The following CDKAL1 variants were observed in gnomAD, a reference collection of about 807,000 sequenced individuals.
CDKAL1 encodes CDKAL1 threonylcarbamoyladenosine tRNA methylthiotransferase.
Under a neutral mutation model 68.2 loss-of-function variants are expected in CDKAL1, and 32 were observed. The observed-to-expected ratio is 0.47, with a 90% CI of 0.35 to 0.63. The LOEUF (loss-of-function observed/expected upper bound fraction) is 0.63, where lower values mean the gene tolerates loss of function less well. Ranked by LOEUF, CDKAL1 falls within the 30% of genes least tolerant of loss-of-function variation. The pLI is 0.00. For missense variants in CDKAL1, 606 were observed against 696.7 expected (o/e 0.87, Z 1.47); for synonymous variants, 234 against 244.3 (o/e 0.96, Z 0.39).
At chr6:20,985,621 T>C (rs1766410630) in intron 10 of CDKAL1, among the ~76,000 whole-genome samples, 1 of 152,084 alleles carries the variant, frequency 6.6e-6, no homozygotes. Context: ...AGACCTAAAG[T>C]CTTAAAATAA....
intron 8 of CDKAL1, among the ~76,000 whole-genome samples, chr6:20,829,270 GCCACACTGTTTT>G (rs1454492537): frequency 6.6e-6 from 1 of 152,148 alleles, no homozygotes; most frequent in Non-Finnish European, 1.5e-5. Context: ...TTTAGTAGCT[GCCACACTGTTTT>G]CCTCAGCAGC....
At chr6:20,999,369 C>G (rs553260442) in intron 10 of CDKAL1, among the ~76,000 whole-genome samples, 2 of 152,096 alleles carry the variant, frequency 1.3e-5, no homozygotes, top group South Asian at 2.1e-4. Flanking sequence ...TTACCTAATG[C>G]TTACATGAAT....
intron 8 of CDKAL1, among the ~76,000 whole-genome samples, chr6:20,837,408 C>G (rs1316327079): frequency 2.6e-5 from 4 of 152,028 alleles, no homozygotes; most frequent in Non-Finnish European, 5.9e-5. Context: ...ACCACTGTTT[C>G]CTGTGAGATT....
intron 11 of CDKAL1, among the ~76,000 whole-genome samples, chr6:21,039,480 G>A (rs144101222): frequency 7.2e-5 from 11 of 152,220 alleles, no homozygotes; most frequent in Admixed American, 1.3e-4. Flanking sequence ...GAGAATGGGC[G>A]AGCCATCATT....
chr6:20,619,285 G>T (rs1275691180), intron 4 of CDKAL1, among the ~76,000 whole-genome samples: 1 of 152,156 alleles, frequency 6.6e-6, no homozygotes. Flanking sequence ...CTTTAGTTAG[G>T]AGTAAATTCA....
chr6:20,535,644 A>G (rs933658798), intron 2 of CDKAL1, among the ~76,000 whole-genome samples: 1 of 151,734 alleles, frequency 6.6e-6, no homozygotes, highest in African/African-American at 2.4e-5. Context: ...TGGCCCATGG[A>G]TTTTTTTCCT....
Position 21,132,874 on chromosome 6 carries a change from AT to A in CDKAL1, c.1299+24421del, listed in dbSNP as rs926156441. 1.5e-4 allele frequency among the ~76,000 whole-genome samples: 23 copies of A among 150,358 alleles called. No individual in the cohort carries two copies. The East Asian group carries it at 2.1e-3, about 14-fold the overall frequency. On this transcript the variant is annotated intron_variant, in intron 13 of 15. Coordinates refer to ENST00000274695, the MANE Select transcript of CDKAL1 (RefSeq NM_017774.3). The stretch of plus-strand genomic sequence containing the variant: ...AAGTCGAACCTATATATTTGTTTAA[AT>A]TTTTTTTTTCAGAGGTTCTACAGAG...
intron 5 of CDKAL1, among the ~76,000 whole-genome samples, chr6:20,690,238 A>G (rs1770810653): frequency 2.0e-5 from 3 of 152,224 alleles, no homozygotes; most frequent in East Asian, 1.9e-4. Context: ...TGGATATACT[A>G]TAAGTTGTAT....
intron 6 of CDKAL1, among the ~76,000 whole-genome samples, chr6:20,746,644 T>A (rs1051688889): frequency 4.6e-5 from 7 of 152,244 alleles, no homozygotes. Flanking sequence ...CAAACTTCGT[T>A]ATGGTAAAGG....
At chr6:21,001,370 A>T (rs527392018) in intron 11 of CDKAL1, among the ~76,000 whole-genome samples, 3 of 152,082 alleles carry the variant, frequency 2.0e-5, no homozygotes, top group Non-Finnish European at 2.9e-5. Flanking sequence ...ACTGCATATG[A>T]TCATTTTAAA....
intron 5 of CDKAL1, among the ~76,000 whole-genome samples, chr6:20,709,808 G>A (rs1771765927): frequency 6.6e-6 from 1 of 152,128 alleles, no homozygotes; most frequent in Non-Finnish European, 1.5e-5. Context: ...GCAGCAATTA[G>A]ATCAACATTT....
rs116522234 is a variant in CDKAL1, at chr6:21,053,170, T to C, written c.1056-11878T>C. ...ACTCACAGTTCCAGACAAGACTGAT[T>C]TGCTTTCTGTCTATTCTAAGTCGTC... is the stretch of plus-strand genomic sequence containing the variant. On this transcript the variant is annotated intron_variant, in intron 11 of 15. Coordinates refer to ENST00000274695, the MANE Select transcript of CDKAL1 (RefSeq NM_017774.3). Among the ~76,000 whole-genome samples the C allele has an allele frequency of 9.3e-3, 1,420 of 152,334 alleles. 26 individuals carry two copies. Among genetic ancestry groups the C allele is most frequent in the African/African-American group, 0.032 (1,350 of 41,564 alleles).
chr6:20,984,044 A>G (rs1402837411), intron 10 of CDKAL1, among the ~76,000 whole-genome samples: 1 of 152,174 alleles, frequency 6.6e-6, no homozygotes, highest in African/African-American at 2.4e-5. Flanking sequence ...TAATTTCTCT[A>G]AATCTAAGAT....
intron 9 of CDKAL1, among the ~76,000 whole-genome samples, chr6:20,935,272 A>G (rs867890992): frequency 6.6e-6 from 1 of 152,178 alleles, no homozygotes; most frequent in African/African-American, 2.4e-5. Flanking sequence ...GTAATTTATA[A>G]TGAACTTTTA....
intron 8 of CDKAL1, among the ~76,000 whole-genome samples, chr6:20,826,520 G>A (rs138421014): frequency 2.0e-3 from 309 of 152,218 alleles, no homozygotes; most frequent in African/African-American, 6.5e-3. Context: ...AATGGCACAC[G>A]AGTGTCTGAC....
intron 10 of CDKAL1, among the ~76,000 whole-genome samples, chr6:20,993,250 A>G (rs1766933638): frequency 6.6e-6 from 1 of 152,206 alleles, no homozygotes; most frequent in Non-Finnish European, 1.5e-5. Context: ...TAAATTGTAT[A>G]TGAATTATAT....
At chr6:20,723,964 A>G (rs936311346) in intron 5 of CDKAL1, among the ~76,000 whole-genome samples, 2 of 152,040 alleles carry the variant, frequency 1.3e-5, no homozygotes, top group Admixed American at 6.5e-5. Context: ...ACAGGGTCTT[A>G]CTCTGTCGCT....
At chr6:21,124,151 T>G (rs1384844350) in intron 13 of CDKAL1, among the ~76,000 whole-genome samples, 1 of 152,246 alleles carries the variant, frequency 6.6e-6, no homozygotes, top group Non-Finnish European at 1.5e-5. Flanking sequence ...GTAATAGATA[T>G]GTACTTAAAA....
intron 9 of CDKAL1, among the ~76,000 whole-genome samples, chr6:20,899,090 A>C (rs1359536727): frequency 8.6e-6 from 1 of 116,620 alleles, no homozygotes; most frequent in South Asian, 2.6e-4. Flanking sequence ...TTTTTGATGG[A>C]GTCTTGCTCT....
Sources: gnomAD v4.1 joint callset for allele counts (sites outside exome capture counted in the v4.1 genomes callset) on GRCh38, gnomAD v4.1.1 for gene constraint, MANE v1.5 for transcripts, NCBI Gene and HGNC (gene_info 2026-07-23, HGNC 2026-07-21) for gene names.